The following SORL1 variants were observed in gnomAD, a reference collection of about 807,000 sequenced individuals.
SORL1 encodes the protein sortilin related receptor 1.
In SORL1, 127 loss-of-function variants were observed where a neutral mutation model predicts 273.7. The observed-to-expected ratio is 0.46, with a 90% CI of 0.40 to 0.54. SORL1 has a LOEUF of 0.54. SORL1 is among the 20% of genes least tolerant of loss of function. The pLI is 0.00. For synonymous variants in SORL1, 1,031 were observed against 1,067.4 expected, an observed-to-expected ratio of 0.97 and a Z score of 0.66; for missense variants, 2,494 against 2,846.1, an observed-to-expected ratio of 0.88 and a Z score of 2.81.
At position 121,547,807 on chromosome 11, in the gene SORL1, G is replaced by A. The variant is rs183894667; in HGVS notation, c.2052-2153G>A. Among the ~76,000 whole-genome samples, 15 of 152,206 alleles carry A rather than the reference G, an allele frequency of 9.9e-5. No homozygotes were observed. In the East Asian group the frequency reaches 1.7e-3, roughly 18 times the overall value. ...AGATGTTTGATGGCATTGGACTATG[G>A]CACTGAGAAGGAAAATGGTCCCAAG... On this transcript the variant is annotated intron_variant, in intron 14 of 47. Coordinates refer to ENST00000260197, the MANE Select transcript of SORL1 (RefSeq NM_003105.6).
chr11:121,472,665 A>G (rs1303267242), intron 2 of SORL1, among the ~76,000 whole-genome samples: 1 of 152,210 alleles, frequency 6.6e-6, no homozygotes, highest in Non-Finnish European at 1.5e-5. Flanking sequence ...GTGTCTAACT[A>G]AGAGCCCATT....
intron 11 of SORL1, among the ~76,000 whole-genome samples, chr11:121,525,449 A>G (rs1473400782): frequency 1.3e-5 from 2 of 152,224 alleles, no homozygotes; most frequent in Non-Finnish European, 2.9e-5. Flanking sequence ...TCTCTAGGGT[A>G]AATACTTAGG....
chr11:121,505,499 T>C (rs1049171519), intron 6 of SORL1, among the ~76,000 whole-genome samples: 4 of 152,052 alleles, frequency 2.6e-5, no homozygotes, highest in African/African-American at 9.7e-5. Context: ...TGCTTTGGGC[T>C]TAGTTTGCCC....
At chr11:121,547,766 A>C (rs1862455862) in intron 14 of SORL1, among the ~76,000 whole-genome samples, 1 of 152,102 alleles carries the variant, frequency 6.6e-6, no homozygotes, top group Non-Finnish European at 1.5e-5. Context: ...AGCCAGCCCA[A>C]CTATATGGCT....
chr11:121,555,894 T>C (rs1862574862), intron 18 of SORL1, among the ~76,000 whole-genome samples: 1 of 152,182 alleles, frequency 6.6e-6, no homozygotes, highest in Non-Finnish European at 1.5e-5. Context: ...TGTAGTGTGC[T>C]CAGCTCACTG....
At position 121,550,136 on chromosome 11, in the gene SORL1, T is replaced by C; in HGVS notation, c.2180+48T>C. The stretch of plus-strand genomic sequence containing the variant: ...TGTCAGGTTCTCAGCGGTCCGCACA[T>C]GGAGCGAGAGAGCATAGAGGACCGT... On this transcript the variant is annotated intron_variant, in intron 15 of 47. Transcript: ENST00000260197. This position sits in a 1 kb window ranked among gnomAD's most constrained non-coding sequence, Gnocchi z 5.3. 1 of 1,590,198 alleles carries C rather than the reference T, an allele frequency of 6.3e-7. No individual in the cohort carries two copies. The highest frequency in any genetic ancestry group is 8.6e-7 in the Non-Finnish European group (1 of 1,166,674).
intron 1 of SORL1, among the ~76,000 whole-genome samples, chr11:121,457,560 G>C (rs544958806): frequency 5.3e-5 from 8 of 152,280 alleles, no homozygotes; most frequent in Admixed American, 3.3e-4. Context: ...TTATATTTGT[G>C]ATATTATGAT....
chr11:121,489,035 G>A (rs752623141), intron 4 of SORL1, among the ~76,000 whole-genome samples: 3 of 152,100 alleles, frequency 2.0e-5, no homozygotes, highest in Non-Finnish European at 2.9e-5. Flanking sequence ...TGCTAGGGCC[G>A]GAGGAACCCT....
intron 26 of SORL1, among the ~76,000 whole-genome samples, chr11:121,584,765 T>C (rs376234477): frequency 6.6e-6 from 1 of 152,178 alleles, no homozygotes. Context: ...CTAATTTTTG[T>C]ATTTTTTTGT....
chr11:121,540,405 G>A (rs900629468), intron 12 of SORL1, among the ~76,000 whole-genome samples: 8 of 151,800 alleles, frequency 5.3e-5, no homozygotes, highest in African/African-American at 1.4e-4. Flanking sequence ...GGCCAGACGC[G>A]GTGGCTCACG....
chr11:121,589,572 G>C (rs967143164), intron 29 of SORL1, among the ~76,000 whole-genome samples, 182 bp downstream of exon 29: 12 of 152,212 alleles, frequency 7.9e-5, no homozygotes, highest in African/African-American at 2.9e-4. Context: ...CTGGCACCCA[G>C]CAGGTGCTAG....
intron 12 of SORL1, among the ~76,000 whole-genome samples, chr11:121,537,236 A>G (rs1862279889): frequency 1.3e-5 from 2 of 152,160 alleles, no homozygotes; most frequent in South Asian, 4.1e-4. Flanking sequence ...CTTACTAAAG[A>G]GATTAAAGTT....
chr11:121,467,585 A>G (rs929508176), intron 1 of SORL1, among the ~76,000 whole-genome samples: 1 of 151,694 alleles, frequency 6.6e-6, no homozygotes, highest in Non-Finnish European at 1.5e-5. Context: ...TGACATTTGC[A>G]TAGTTTTCTA....
chr11:121,550,502 G>T lies in SORL1; in HGVS notation c.2181-83G>T. Reference sequence around the variant, plus strand: ...AGTGGATGGACTCTACTGGCCGTGGGTAGTAAGTGTATTCCCAGCTGGGAT... The same window carrying T: ...AGTGGATGGACTCTACTGGCCGTGGTTAGTAAGTGTATTCCCAGCTGGGAT... On this transcript the variant is annotated intron_variant, in intron 15 of 47. Transcript: ENST00000260197. This position sits in a 1 kb window ranked among gnomAD's most constrained non-coding sequence, Gnocchi z 5.3. The T allele has an allele frequency of 2.7e-6, 3 of 1,121,374 alleles. No individual in the cohort carries two copies. The Admixed American group carries it at 5.3e-5, about 20-fold the overall frequency. 69.5% of individuals were successfully genotyped at this position (1,121,374 alleles called of 1,614,324 possible). A position where few individuals can be genotyped will look rare whatever the true frequency, so the allele number is the denominator to read the frequency against.
At position 121,478,190 on chromosome 11, in the gene SORL1, A is replaced by G; in HGVS notation, c.475A>G (p.Arg159Gly). ...CAAGTTAAACTTTGGCTTGGGAAAT[A>G]GGAGTGAAGCTGTTATCGCCCAGTT... ...SDKLNFGLGN[R>G]SEAVIAQFYH... The change falls in exon 3 of 48, where the codon AGG becomes GGG. Residue 159 changes from arginine (R) to glycine (G), a missense_variant. Transcript: ENST00000260197. 6.2e-7 allele frequency: 1 copy of G among 1,614,216 alleles called. No homozygotes were observed. The highest frequency in any genetic ancestry group is 8.5e-7 in the Non-Finnish European group (1 of 1,180,042).
chr11:121,529,524 G>A (rs1052786449), intron 11 of SORL1, among the ~76,000 whole-genome samples: 10 of 152,096 alleles, frequency 6.6e-5, no homozygotes, highest in African/African-American at 1.7e-4. Context: ...GCCCTGGATA[G>A]TACATCTTTT....
chr11:121,607,834 G>C (rs1254060967), intron 37 of SORL1, among the ~76,000 whole-genome samples: 1 of 152,044 alleles, frequency 6.6e-6, no homozygotes, highest in African/African-American at 2.4e-5. Context: ...CCATACACCT[G>C]CCCTTTAGAA....
In SORL1 at chr11:121,452,388, C is replaced by T. The variant is rs750388479; in HGVS notation, c.57C>T (p.Val19=). ...ESRLPFLFTL[V]ALLPPGALCE... ...GACTCCCGTTCCTATTCACCCTGGT[C>T]GCACTGCTGCCGCCCGGAGCTCTCT... The change falls in exon 1 of 48, where the codon GTC becomes GTT. Residue 19 remains valine (V), a synonymous_variant. Coordinates refer to ENST00000260197, the MANE Select transcript of SORL1 (RefSeq NM_003105.6). The surrounding 1 kb of genome is among the most constrained non-coding windows in gnomAD (Gnocchi z 5.3). 1 of 1,546,742 alleles carries T rather than the reference C, an allele frequency of 6.5e-7. No homozygotes were observed. Among genetic ancestry groups the T allele is most frequent in the Non-Finnish European group, 8.7e-7 (1 of 1,150,860 alleles).
At position 121,589,454 on chromosome 11, in the gene SORL1, C is replaced by T. The variant is rs552215168; in HGVS notation, c.4078+64C>T. The T allele has an allele frequency of 5.9e-5, 94 of 1,589,300 alleles. No individual in the cohort carries two copies. The African/African-American group carries it at 1.1e-3, about 19-fold the overall frequency. On this transcript the variant is annotated intron_variant, in intron 29 of 47. Coordinates refer to ENST00000260197, the MANE Select transcript of SORL1 (RefSeq NM_003105.6). ...TAGTTAACAGTGATGCCTGCAGTTA[C>T]AGGGACACTCACCGGCAACCCCACT... is the stretch of plus-strand genomic sequence containing the variant.
Sources: gnomAD v4.1 joint callset for allele counts (sites outside exome capture counted in the v4.1 genomes callset) on GRCh38, gnomAD v4.1.1 for gene constraint, Gnocchi (gnomAD v3.1) non-coding constraint, MANE v1.5 for transcripts, NCBI Gene and HGNC (gene_info 2026-07-23, HGNC 2026-07-21) for gene names.